The following TAFA1 variants were observed in gnomAD, a reference collection of about 807,000 sequenced individuals.
TAFA1 encodes the protein chemokine-like protein TAFA-1.
Under a neutral mutation model 18.5 loss-of-function variants are expected in TAFA1, and 4 were observed. The observed-to-expected ratio is 0.22, with a 90% CI of 0.11 to 0.49. The LOEUF is 0.49. Ranked by LOEUF, TAFA1 falls within the 20% of genes least tolerant of loss-of-function variation. The probability of loss-of-function intolerance (pLI) is 0.98; values close to 1 mark genes in which losing one functional copy is unlikely to be tolerated. For missense variants in TAFA1, 147 were observed against 169.0 expected, an observed-to-expected ratio of 0.87 and a Z score of 0.72; for synonymous variants, 56 against 55.2, an observed-to-expected ratio of 1.01 and a Z score of -0.06.
chr3:68,020,907 C>G (rs184466604), intron 2 of TAFA1, among the ~76,000 whole-genome samples: 1 of 151,728 alleles, frequency 6.6e-6, no homozygotes, highest in African/African-American at 2.4e-5. Flanking sequence ...GGTGTCTGAC[C>G]GGGAGCAGTG....
chr3:68,039,636 T>C (rs184608892), intron 2 of TAFA1, among the ~76,000 whole-genome samples: 6 of 152,258 alleles, frequency 3.9e-5, no homozygotes, highest in East Asian at 3.9e-4. Context: ...TTTTAAACCA[T>C]GAAGAGTCGC....
At chr3:68,406,888 GA>G (rs2070621714) in intron 2 of TAFA1, among the ~76,000 whole-genome samples, 1 of 152,166 alleles carries the variant, frequency 6.6e-6, no homozygotes, top group African/African-American at 2.4e-5. Flanking sequence ...ACCTTTGGGT[GA>G]AATGTATTTC....
chr3:68,202,046 T>C (rs1200572583), intron 2 of TAFA1, among the ~76,000 whole-genome samples: 1 of 151,648 alleles, frequency 6.6e-6, no homozygotes, highest in Non-Finnish European at 1.5e-5. Flanking sequence ...AAGTCAGCCA[T>C]GAAAGCAGAA....
chr3:68,402,992 G>C (rs770031159), intron 2 of TAFA1, among the ~76,000 whole-genome samples: 1 of 152,172 alleles, frequency 6.6e-6, no homozygotes. Context: ...GTTAACGACA[G>C]ACCTATAAGA....
At chr3:68,104,197 A>G (rs569312068) in intron 2 of TAFA1, among the ~76,000 whole-genome samples, 2 of 152,264 alleles carry the variant, frequency 1.3e-5, no homozygotes, top group Admixed American at 1.3e-4. Flanking sequence ...GATTAAAAAA[A>G]CTCAGATTAA....
chr3:67,995,574 A>T, the TAFA1 span, among the ~76,000 whole-genome samples: 2 of 151,898 alleles, frequency 1.3e-5, no homozygotes, highest in Non-Finnish European at 2.9e-5. Flanking sequence ...CAGAGCTGGG[A>T]CTCCCAGAGA....
chr3:68,145,127 G>C, intron 2 of TAFA1: 1 of 948,886 alleles, frequency 1.1e-6, no homozygotes, highest in Non-Finnish European at 1.7e-6. Flanking sequence ...TCAGCGTCTA[G>C]CTTTATGTTT....
chr3:68,394,466 A>G (rs191987244), intron 2 of TAFA1, among the ~76,000 whole-genome samples: 309 of 152,310 alleles, frequency 2.0e-3, no homozygotes, highest in Non-Finnish European at 2.3e-3. Context: ...TAAATTTCAT[A>G]TGGAACCAAA....
chr3:68,336,151 C>T (rs6549117), intron 2 of TAFA1, among the ~76,000 whole-genome samples: 90,814 of 152,070 alleles, frequency 0.6, 27,999 homozygotes, highest in East Asian at 1. Context: ...TAATGTCTAC[C>T]TTGTCTAGTT....
chr3:68,100,194 A>C (rs1232145649), intron 2 of TAFA1, among the ~76,000 whole-genome samples: 1 of 152,142 alleles, frequency 6.6e-6, no homozygotes, highest in Admixed American at 6.6e-5. Flanking sequence ...AGCTATAAAC[A>C]TGTAGAAAGG....
At chr3:68,121,946 A>T (rs2065404746) in intron 2 of TAFA1, among the ~76,000 whole-genome samples, 1 of 152,172 alleles carries the variant, frequency 6.6e-6, no homozygotes, top group South Asian at 2.1e-4. Flanking sequence ...TGCATTCATT[A>T]ATAATGCCAA....
chr3:68,515,701 A>G (rs530255970), intron 3 of TAFA1, among the ~76,000 whole-genome samples: 1 of 152,372 alleles, frequency 6.6e-6, no homozygotes, highest in African/African-American at 2.4e-5. Context: ...AAACCTTGCC[A>G]TTCACTAGCT....
intron 2 of TAFA1, among the ~76,000 whole-genome samples, chr3:68,183,691 C>CA (rs1395382021): frequency 6.6e-6 from 1 of 152,098 alleles, no homozygotes; most frequent in East Asian, 1.9e-4. Context: ...TTCATTCTTT[C>CA]ATTACCTGTG....
chr3:68,334,177 T>C (rs1418988275), intron 2 of TAFA1, among the ~76,000 whole-genome samples: 1 of 152,212 alleles, frequency 6.6e-6, no homozygotes, highest in Non-Finnish European at 1.5e-5. Context: ...TATGAGGTGA[T>C]GAACATGCTA....
chr3:68,140,690 A>G (rs1279345520), intron 2 of TAFA1, among the ~76,000 whole-genome samples: 1 of 152,220 alleles, frequency 6.6e-6, no homozygotes, highest in Non-Finnish European at 1.5e-5. Context: ...AATTCAGTGC[A>G]TTAAAGCACA....
At chr3:68,526,659 G>A (rs1352192887) in intron 3 of TAFA1, among the ~76,000 whole-genome samples, 1 of 152,032 alleles carries the variant, frequency 6.6e-6, no homozygotes, top group East Asian at 1.9e-4. Context: ...GAGTCTAATA[G>A]TACTCTCATA....
chr3:68,172,467 G>T (rs2066068446), intron 2 of TAFA1, among the ~76,000 whole-genome samples: 2 of 152,270 alleles, frequency 1.3e-5, no homozygotes, highest in South Asian at 4.1e-4. Flanking sequence ...AAAGGTTGCA[G>T]AAACTTTAGA....
intron 2 of TAFA1, among the ~76,000 whole-genome samples, chr3:68,209,197 C>A (rs1029560189): frequency 9.2e-5 from 14 of 151,956 alleles, no homozygotes; most frequent in Admixed American, 9.2e-4. Context: ...AGCCAGCTGA[C>A]AGATTAATTT....
At chr3:68,486,737 A>G (rs1307666214) in intron 3 of TAFA1, among the ~76,000 whole-genome samples, 1 of 152,232 alleles carries the variant, frequency 6.6e-6, no homozygotes, top group Admixed American at 6.5e-5. Context: ...ATTATTTATC[A>G]TTAAAAAGGT....
Sources: allele counts gnomAD v4.1 joint callset (sites outside exome capture counted in the v4.1 genomes callset), GRCh38; gene constraint gnomAD v4.1.1; transcripts MANE v1.5; gene names NCBI Gene and HGNC (gene_info 2026-07-23, HGNC 2026-07-21).